The following MKLN1 variants were observed in gnomAD, a reference collection of about 807,000 sequenced individuals.
The protein encoded by MKLN1 is muskelin.
A neutral mutation model predicts 99.0 loss-of-function variants in MKLN1; 18 were observed. The ratio of observed to expected loss-of-function variants is 0.18; its 90% CI spans 0.13 to 0.27. MKLN1 has a LOEUF of 0.27. MKLN1 is among the 10% of genes least tolerant of loss of function. MKLN1 has a pLI of 1.00. For missense variants in MKLN1, 621 were observed against 875.9 expected, an observed-to-expected ratio of 0.71 and a Z score of 3.67; for synonymous variants, 288 against 293.2, an observed-to-expected ratio of 0.98 and a Z score of 0.18.
At position 131,443,478 on chromosome 7, in the gene MKLN1, T is replaced by G; in HGVS notation, c.1174-3T>G. 1.3e-6 allele frequency: 2 copies of G among 1,598,116 alleles called. No homozygotes were observed. The highest frequency in any genetic ancestry group is 8.6e-7 in the Non-Finnish European group (1 of 1,165,408). On this transcript the variant is annotated splice_polypyrimidine_tract_variant and splice_region_variant and intron_variant, in intron 10 of 17. Transcript: ENST00000352689. ...TATTCAATCTGTTGCCTTGTTCTGA[T>G]AGATGTGTATGGACTCAGAAAAACA...
intron 3 of MKLN1, among the ~76,000 whole-genome samples, chr7:131,320,887 C>G (rs1007401973): frequency 6.6e-6 from 1 of 152,186 alleles, no homozygotes; most frequent in Non-Finnish European, 1.5e-5. Flanking sequence ...GAGATACTAT[C>G]TAATACCAGT....
intron 1 of MKLN1, among the ~76,000 whole-genome samples, chr7:131,118,354 G>C (rs572466336): frequency 5.8e-4 from 89 of 152,266 alleles, no homozygotes; most frequent in Admixed American, 9.8e-4. Context: ...AGGAGTTCGA[G>C]ACCAGCCTGG....
intron 3 of MKLN1, among the ~76,000 whole-genome samples, chr7:131,388,491 C>T (rs777298701): frequency 4.6e-5 from 7 of 152,150 alleles, no homozygotes; most frequent in East Asian, 1.9e-4. Context: ...AATTCTTTGG[C>T]GTATTCTAAT....
intron 1 of MKLN1, among the ~76,000 whole-genome samples, chr7:131,351,270 A>G (rs1456607243): frequency 6.6e-6 from 1 of 151,962 alleles, no homozygotes; most frequent in Non-Finnish European, 1.5e-5. Flanking sequence ...AAAAAGAAGA[A>G]GAAGAGTCTT....
At chr7:131,215,749 A>C (rs1796971501) in intron 3 of MKLN1, among the ~76,000 whole-genome samples, 1 of 152,202 alleles carries the variant, frequency 6.6e-6, no homozygotes, top group Non-Finnish European at 1.5e-5. Context: ...GTGATGATGG[A>C]GATACCATGG....
chr7:131,364,092 T>A (rs894969890), intron 1 of MKLN1, among the ~76,000 whole-genome samples: 1 of 152,144 alleles, frequency 6.6e-6, no homozygotes, highest in Non-Finnish European at 1.5e-5. Flanking sequence ...TCTAAGTGAT[T>A]TGGGAGAAAG....
At chr7:131,115,786 C>T (rs1795267787) in intron 1 of MKLN1, among the ~76,000 whole-genome samples, 1 of 152,152 alleles carries the variant, frequency 6.6e-6, no homozygotes, top group Admixed American at 6.5e-5. Flanking sequence ...TCCTGGAATA[C>T]TCTTTTGGTC....
chr7:131,416,424 C>T (rs1359374365), intron 8 of MKLN1, among the ~76,000 whole-genome samples: 1 of 151,824 alleles, frequency 6.6e-6, no homozygotes, highest in Non-Finnish European at 1.5e-5. Flanking sequence ...CATGACAGAA[C>T]TTAGTGTGAG....
intron 12 of MKLN1, among the ~76,000 whole-genome samples, chr7:131,457,685 A>T (rs1297988594): frequency 6.6e-6 from 1 of 152,126 alleles, no homozygotes; most frequent in African/African-American, 2.4e-5. Flanking sequence ...GGAGGCCAAG[A>T]TGGGTGAATC....
intron 6 of MKLN1, among the ~76,000 whole-genome samples, chr7:131,402,211 A>G (rs1003469997): frequency 6.6e-6 from 1 of 152,198 alleles, no homozygotes; most frequent in Non-Finnish European, 1.5e-5. Flanking sequence ...TGTTCACAGC[A>G]TCTTCATCAG....
intron 1 of MKLN1, among the ~76,000 whole-genome samples, chr7:131,330,943 CT>C (rs1186658244): frequency 1.3e-5 from 2 of 152,046 alleles, no homozygotes; most frequent in Admixed American, 6.6e-5. Context: ...CTGTATTTTA[CT>C]TTTTTTCTGA....
At chr7:131,134,407 T>G (rs546430008) in intron 1 of MKLN1, among the ~76,000 whole-genome samples, 1 of 152,066 alleles carries the variant, frequency 6.6e-6, no homozygotes, top group African/African-American at 2.4e-5. Flanking sequence ...CCCCAAGATA[T>G]CCTATTTATT....
chr7:131,471,435 T>C (rs1224758777), intron 16 of MKLN1, among the ~76,000 whole-genome samples: 1 of 152,228 alleles, frequency 6.6e-6, no homozygotes, highest in Non-Finnish European at 1.5e-5. Flanking sequence ...TGTTTGTCTA[T>C]AGGCTACTAA....
At chr7:131,220,631 C>G (rs921042985) in intron 3 of MKLN1, among the ~76,000 whole-genome samples, 1 of 152,068 alleles carries the variant, frequency 6.6e-6, no homozygotes, top group Non-Finnish European at 1.5e-5. Flanking sequence ...AAGAGTGTAG[C>G]GTGACATCAT....
intron 3 of MKLN1, among the ~76,000 whole-genome samples, chr7:131,308,058 G>A (rs1798494876): frequency 6.6e-6 from 1 of 152,164 alleles, no homozygotes; most frequent in East Asian, 1.9e-4. Context: ...TTCTCATGAT[G>A]TGAGTGAATT....
chr7:131,389,205 CAGG>C (rs1301837619), intron 4 of MKLN1, among the ~76,000 whole-genome samples: 7 of 152,120 alleles, frequency 4.6e-5, no homozygotes, highest in African/African-American at 1.4e-4. Context: ...TGGTCCTTTA[CAGG>C]AGAAGTTTGC....
chr7:131,453,769 A>AT (rs1796253107), intron 12 of MKLN1, among the ~76,000 whole-genome samples: 1 of 152,280 alleles, frequency 6.6e-6, no homozygotes, highest in Admixed American at 6.5e-5. Flanking sequence ...AATTGTTAAA[A>AT]TATCAAATAA....
At chr7:131,114,904 C>T (rs1429144323) in intron 1 of MKLN1, among the ~76,000 whole-genome samples, 1 of 151,642 alleles carries the variant, frequency 6.6e-6, no homozygotes, top group African/African-American at 2.4e-5. Context: ...CAACTGCACT[C>T]CAGCCTGGGC....
intron 3 of MKLN1, among the ~76,000 whole-genome samples, chr7:131,239,106 G>A (rs1253169694): frequency 6.6e-6 from 1 of 152,078 alleles, no homozygotes; most frequent in Non-Finnish European, 1.5e-5. Flanking sequence ...AACCAAGACA[G>A]GAATTTTTAA....
Sources: gnomAD v4.1 joint callset for allele counts (sites outside exome capture counted in the v4.1 genomes callset) on GRCh38, gnomAD v4.1.1 for gene constraint, MANE v1.5 for transcripts, NCBI Gene and HGNC (gene_info 2026-07-23, HGNC 2026-07-21) for gene names.